Variants in IFT140 observed in about 807,000 individuals in gnomAD.
IFT140 encodes intraflagellar transport 140.
IFT140 carries 133 observed loss-of-function variants against 164.6 expected under a neutral mutation model. That is an observed-to-expected ratio of 0.81 (90% CI 0.70 to 0.93). IFT140 has a LOEUF of 0.93. Ranked by LOEUF, IFT140 falls within the 40% of genes least tolerant of loss-of-function variation. The pLI, the probability that IFT140 is intolerant of heterozygous loss-of-function variation, is 0.00. For synonymous variants in IFT140, 860 were observed against 817.3 expected, an observed-to-expected ratio of 1.05 and a Z score of -0.89; for missense variants, 2,045 against 1,972.3, an observed-to-expected ratio of 1.04 and a Z score of -0.70.
intron 30 of IFT140, chr16:1,517,954 C>A: frequency 3.2e-6 from 1 of 314,452 alleles, no homozygotes; most frequent in Non-Finnish European, 6.0e-6. Context: ...CCTCCCACCT[C>A]AGCCTCCCAA....
chr16:1,559,760 G>A (rs533772650), intron 18 of IFT140, among the ~76,000 whole-genome samples: 6 of 152,274 alleles, frequency 3.9e-5, no homozygotes, highest in African/African-American at 1.4e-4. Flanking sequence ...AATAGACCTC[G>A]GTAAAGCGAA....
intron 19 of IFT140, among the ~76,000 whole-genome samples, chr16:1,543,938 G>A (rs986095725): frequency 4.6e-5 from 7 of 152,160 alleles, no homozygotes; most frequent in Non-Finnish European, 8.8e-5. Context: ...ATATTTTAGC[G>A]GCATAGAGAA....
At chr16:1,519,852 G>A in intron 29 of IFT140, 29 bp downstream of exon 29, 1 of 1,514,144 alleles carries the variant, frequency 6.6e-7, no homozygotes, top group Non-Finnish European at 8.8e-7. Flanking sequence ...ATCTGCCCTG[G>A]CCTGTCCCCG....
At chr16:1,585,805 C>G (rs2141835005) in intron 10 of IFT140, among the ~76,000 whole-genome samples, 1 of 132,732 alleles carries the variant, frequency 7.5e-6, no homozygotes, top group Middle Eastern at 4.9e-3. Flanking sequence ...GAGTCTCACT[C>G]TGTCTCCCAG....
intron 13 of IFT140, among the ~76,000 whole-genome samples, chr16:1,578,782 G>C (rs889844775): frequency 1.3e-5 from 2 of 152,186 alleles, no homozygotes; most frequent in African/African-American, 4.8e-5. Context: ...TGCAATCATA[G>C]CTTACCGAAG....
Position 1,527,126 on chromosome 16 carries a change from T to C in IFT140, c.2400-330A>G, listed in dbSNP as rs1327826043. 8.5e-6 allele frequency: 3 copies of C among 354,796 alleles called. No individual in the cohort carries two copies. The South Asian group carries it at 2.1e-4, about 25-fold the overall frequency. 22.0% of individuals were successfully genotyped at this position (354,796 alleles called of 1,614,324 possible). The stretch of plus-strand genomic sequence containing the variant: ...ATCAGGAAATGTGGGCTTCCTGTGT[T>C]GCTTGCACACACAGGACCTGCTCTG... On this transcript the variant is annotated intron_variant, in intron 19 of 30. Transcript: ENST00000426508.
At chr16:1,600,674 C>T (rs895104365) in intron 4 of IFT140, among the ~76,000 whole-genome samples, 3 of 151,936 alleles carry the variant, frequency 2.0e-5, no homozygotes, top group Non-Finnish European at 4.4e-5. Flanking sequence ...CACCAGGATA[C>T]GCTGTAAAAT....
intron 15 of IFT140, among the ~76,000 whole-genome samples, chr16:1,566,554 C>T (rs565963842): frequency 6.6e-5 from 10 of 152,166 alleles, no homozygotes; most frequent in African/African-American, 1.4e-4. Flanking sequence ...CTCCGCCTCC[C>T]GGGCTCAGGT....
intron 4 of IFT140, among the ~76,000 whole-genome samples, chr16:1,601,717 G>A (rs752154233): frequency 6.6e-6 from 1 of 152,178 alleles, no homozygotes; most frequent in Non-Finnish European, 1.5e-5. Context: ...AGCAGGATAG[G>A]TGGTAAGAAT....
At chr16:1,556,911 G>C (rs1006961565) in intron 19 of IFT140, among the ~76,000 whole-genome samples, 3 of 152,220 alleles carry the variant, frequency 2.0e-5, no homozygotes, top group Non-Finnish European at 4.4e-5. Context: ...CCGGGTTCAA[G>C]CAATTCTCCC....
chr16:1,581,238 A>C (rs118028418), intron 12 of IFT140, among the ~76,000 whole-genome samples: 1,629 of 152,324 alleles, frequency 0.011, 15 homozygotes, highest in South Asian at 0.033. Flanking sequence ...CCCTGGACCT[A>C]ACTATTAGGG....
intron 30 of IFT140, among the ~76,000 whole-genome samples, chr16:1,513,793 C>T (rs1489074035): frequency 6.6e-6 from 1 of 150,692 alleles, no homozygotes; most frequent in Non-Finnish European, 1.5e-5. Flanking sequence ...CCTGCCTCAG[C>T]CTCCCAAGTA....
At chr16:1,588,151 A>G in intron 7 of IFT140, 127 bp from the exon 8 acceptor site, 1 of 688,586 alleles carries the variant, frequency 1.5e-6, no homozygotes, top group South Asian at 1.8e-5. Flanking sequence ...AAACATGGGG[A>G]CAAATGATAG....
intron 15 of IFT140, among the ~76,000 whole-genome samples, chr16:1,566,510 G>A (rs1389806669): frequency 6.6e-6 from 1 of 152,158 alleles, no homozygotes; most frequent in Non-Finnish European, 1.5e-5. Flanking sequence ...TGCCCAGGAT[G>A]GAGTGCAGTG....
chr16:1,593,538 G>A (rs2035298816), intron 4 of IFT140, among the ~76,000 whole-genome samples: 1 of 152,070 alleles, frequency 6.6e-6, no homozygotes, highest in African/African-American at 2.4e-5. Flanking sequence ...GACCCCACGT[G>A]ACATCTGGCC....
At position 1,520,586 on chromosome 16, in the gene IFT140, G is replaced by T. The variant is rs1378282334; in HGVS notation, c.3660+16C>A. The T allele has an allele frequency of 1.3e-6, 2 of 1,557,962 alleles. No homozygotes were observed. Among genetic ancestry groups the T allele is most frequent in the Non-Finnish European group, 1.7e-6 (2 of 1,147,676 alleles). On this transcript the variant is annotated intron_variant, in intron 27 of 30. Transcript: ENST00000426508. ...GCCTGTGAGGTAGCCGCGGGCTGGG[G>T]CCGGGAGAGGCTCACCTTCAGCTTG...
chr16:1,608,712 G>C (rs894378244), intron 2 of IFT140, among the ~76,000 whole-genome samples: 2 of 147,816 alleles, frequency 1.4e-5, no homozygotes, highest in Non-Finnish European at 3.0e-5. Flanking sequence ...AATAGCAAAA[G>C]AAACCTTTAA....
chr16:1,519,085 G>A (rs988893726), intron 29 of IFT140, among the ~76,000 whole-genome samples: 18 of 152,166 alleles, frequency 1.2e-4, no homozygotes, highest in Non-Finnish European at 2.1e-4. Context: ...AGCTGCTATC[G>A]ATTCTCCTCC....
intron 7 of IFT140, 144 bp from the exon 8 acceptor site, chr16:1,588,168 T>C: frequency 3.1e-6 from 2 of 637,960 alleles, no homozygotes; most frequent in East Asian, 2.8e-5. Flanking sequence ...ATAGAAACTC[T>C]GTGAGGTGGC....
Sources: gnomAD v4.1 joint callset for allele counts (sites outside exome capture counted in the v4.1 genomes callset) on GRCh38, gnomAD v4.1.1 for gene constraint, MANE v1.5 for transcripts, NCBI Gene and HGNC (gene_info 2026-07-23, HGNC 2026-07-21) for gene names.